The following PDE6A variants were observed in gnomAD, a reference collection of about 807,000 sequenced individuals.
PDE6A encodes the protein phosphodiesterase 6A.
Under a neutral mutation model 106.3 loss-of-function variants are expected in PDE6A, and 84 were observed. The observed-to-expected ratio is 0.79, with a 90% CI of 0.66 to 0.95. The LOEUF (loss-of-function observed/expected upper bound fraction) is 0.95. Among genes scored for constraint, PDE6A ranks in the 40% least tolerant of loss-of-function variants. PDE6A has a pLI of 0.00. For synonymous variants in PDE6A, 394 were observed against 386.6 expected, an observed-to-expected ratio of 1.02 and a Z score of -0.23; for missense variants, 1,052 against 1,084.9, an observed-to-expected ratio of 0.97 and a Z score of 0.43.
At chr5:149,915,565 C>T (rs1258505948) in intron 5 of PDE6A, among the ~76,000 whole-genome samples, 1 of 152,136 alleles carries the variant, frequency 6.6e-6, no homozygotes, top group African/African-American at 2.4e-5. Flanking sequence ...CAGAATTCAG[C>T]GTGCTTCACC....
chr5:149,904,621 A>C (rs1473052419), intron 7 of PDE6A, among the ~76,000 whole-genome samples: 4 of 152,110 alleles, frequency 2.6e-5, no homozygotes, highest in Non-Finnish European at 5.9e-5. Flanking sequence ...AAAAGGCACC[A>C]CCTGGGCTTG....
At chr5:149,884,279 T>A (rs1166569485) in intron 16 of PDE6A, among the ~76,000 whole-genome samples, 200 bp downstream of exon 16, 1 of 137,458 alleles carries the variant, frequency 7.3e-6, no homozygotes, top group Non-Finnish European at 1.6e-5. Flanking sequence ...TGTATATATG[T>A]GTATATATGT....
chr5:149,887,560 T>C (rs1752359539), intron 13 of PDE6A, among the ~76,000 whole-genome samples: 1 of 152,132 alleles, frequency 6.6e-6, no homozygotes, highest in Non-Finnish European at 1.5e-5. Flanking sequence ...TACCTGGTGT[T>C]AGTCCCAACT....
At chr5:149,940,428 G>A (rs367805012) in intron 1 of PDE6A, among the ~76,000 whole-genome samples, 2 of 152,022 alleles carry the variant, frequency 1.3e-5, no homozygotes, top group Admixed American at 6.6e-5. Context: ...GGAGCCCACC[G>A]GGTATGCTTT....
intron 2 of PDE6A, 31 bp from the exon 3 acceptor site, chr5:149,934,050 G>A (rs1319277686): frequency 8.1e-7 from 1 of 1,236,350 alleles, no homozygotes; most frequent in African/African-American, 1.5e-5. Context: ...GGGGAGGCAG[G>A]TGAGAAGAAG....
chr5:149,874,006 T>TA lies in PDE6A; in HGVS notation c.2136-5849dup, dbSNP rs796307210. ...GAGCAACAGAGCAAGACCCTGTCTC[T>TA]AAAAAAAAAAAAAAAGAAGAAGAAA... On this transcript the variant is annotated intron_variant, in intron 17 of 21. Transcript: ENST00000255266. 4.7e-3 allele frequency among the ~76,000 whole-genome samples: 602 copies of TA among 127,896 alleles called. 2 individuals are homozygous for TA. Among genetic ancestry groups the TA allele is most frequent in the Middle Eastern group, 0.02 (5 of 250 alleles). 83.9% of individuals were successfully genotyped at this position (127,896 alleles called of 152,430 possible). A position where few individuals can be genotyped will look rare whatever the true frequency, so the allele number is the denominator to read the frequency against.
In PDE6A at chr5:149,944,659, T is replaced by C; in HGVS notation, c.15A>G (p.Thr5=). 6.2e-7 allele frequency: 1 copy of C among 1,609,646 alleles called. No homozygotes were observed. The highest frequency in any genetic ancestry group is 8.5e-7 in the Non-Finnish European group (1 of 1,178,180). The change falls in exon 1 of 22, where the codon ACA becomes ACG. Residue 5 remains threonine (T), a synonymous_variant. Coordinates refer to ENST00000255266, the MANE Select transcript of PDE6A (RefSeq NM_000440.3). ...CCAGGAACTTCTCCACCTCCTCTGC[T>C]GTCACCTCGCCCATGGCTGGGAATC... is the stretch of plus-strand genomic sequence containing the variant. MGEV[T]AEEVEKFLDS...
chr5:149,924,704 G>A (rs1174107235), intron 4 of PDE6A, among the ~76,000 whole-genome samples: 1 of 152,138 alleles, frequency 6.6e-6, no homozygotes, highest in African/African-American at 2.4e-5. Context: ...TTTATGTGAA[G>A]GACTTATATA....
Position 149,896,470 on chromosome 5 carries a change from T to C in PDE6A, c.1506A>G (p.Glu502=), listed in dbSNP as rs746801645. ...AGTCACTGAAGTGAAATTTATTAAT[T>C]TCGTATTTATCTGCATCTGGCAGCT... ...QAELPDADKY[E]INKFHFSDLP... is the part of the protein sequence containing the mutation. Residue 502 remains glutamate, a synonymous_variant, in exon 12 of 22, where the codon GAA becomes GAG. Transcript: ENST00000255266. The C allele has an allele frequency of 1.9e-6, 3 of 1,614,006 alleles. No individual in the cohort carries two copies. In the African/African-American group the frequency reaches 4.0e-5, roughly 22 times the overall value.
At chr5:149,928,075 T>A (rs1753913220) in intron 4 of PDE6A, among the ~76,000 whole-genome samples, 2 of 151,004 alleles carry the variant, frequency 1.3e-5, no homozygotes, top group Admixed American at 1.3e-4. Flanking sequence ...ACTTTTTTCT[T>A]TTTTAATAAG....
chr5:149,878,980 T>A (rs2113537325), intron 17 of PDE6A, among the ~76,000 whole-genome samples: 1 of 152,358 alleles, frequency 6.6e-6, no homozygotes, highest in East Asian at 1.9e-4. Context: ...CCTTAATTTT[T>A]CATAGTCAGA....
In PDE6A at chr5:149,895,264, CAG is replaced by C. The variant is rs757866615; in HGVS notation, c.1645_1646del (p.Leu549GlufsTer2). The stretch of plus-strand genomic sequence containing the variant: ...AGGTGATCTTGCGGTAGCCCTTACT[CAG>C]GGAGTACATGAACCGCACCAGGGCC... ...QEALVRFMYS[L>X]SKGYRKITYH... On this transcript the variant is annotated frameshift_variant, in exon 13 of 22. Transcript: ENST00000255266. LOFTEE classifies it high-confidence loss of function. 1 of 1,613,912 alleles carries C rather than the reference CAG, an allele frequency of 6.2e-7. No individual in the cohort carries two copies. Among genetic ancestry groups the C allele is most frequent in the South Asian group, 1.1e-5 (1 of 91,084 alleles).
At position 149,932,731 on chromosome 5, in the gene PDE6A, C is replaced by T. The variant is rs142100463; in HGVS notation, c.717+1199G>A. On this transcript the variant is annotated intron_variant, in intron 3 of 21. Transcript: ENST00000255266. Reference sequence around the variant, plus strand: ...CCAAATGTGTACCAACTACTGCTTGCTGTTTGGCACTGTCGGCTTCTGTGC... The same window carrying T: ...CCAAATGTGTACCAACTACTGCTTGTTGTTTGGCACTGTCGGCTTCTGTGC... The T allele has an allele frequency of 3.6e-3, 4,901 of 1,373,180 alleles. 44 individuals are homozygous for T. The highest frequency in any genetic ancestry group is 0.019 in the South Asian group (1,598 of 83,592). The allele number at this position is 1,373,180 out of a possible 1,614,324, so 85.1% of individuals were successfully genotyped here. A position where few individuals can be genotyped will look rare whatever the true frequency, so the allele number is the denominator to read the frequency against.
intron 17 of PDE6A, among the ~76,000 whole-genome samples, chr5:149,872,590 G>A (rs1217468862): frequency 1.3e-5 from 2 of 152,122 alleles, no homozygotes; most frequent in Non-Finnish European, 2.9e-5. Flanking sequence ...CCAACTTTCA[G>A]GAAAAGCATT....
In PDE6A at chr5:149,895,241, G is replaced by T. The variant is rs1168935377; in HGVS notation, c.1670C>A (p.Thr557Asn). Residue 557 changes from threonine (T) to asparagine (N), a missense_variant, in exon 13 of 22, where the codon ACC (threonine) becomes AAC (asparagine). Physicochemically the swap from Thr to Asn is moderately conservative, Grantham distance 65. Around this residue, in one of 3 missense-constraint regions of PDE6A, gnomAD observed 913 missense variants for 915.2 expected, o/e 1.00. Transcript: ENST00000255266. ...GAAGCCGTGCCGCCAGTTGTGGTAG[G>T]TGATCTTGCGGTAGCCCTTACTCAG... The part of the protein sequence containing the change: ...YSLSKGYRKI[T>N]YHNWRHGFNV... 6.2e-7 allele frequency: 1 copy of T among 1,614,026 alleles called. No homozygotes were observed. Among genetic ancestry groups the T allele is most frequent in the Non-Finnish European group, 8.5e-7 (1 of 1,179,998 alleles).
At chr5:149,917,780 T>C (rs1368594920) in intron 5 of PDE6A, among the ~76,000 whole-genome samples, 1 of 152,186 alleles carries the variant, frequency 6.6e-6, no homozygotes, top group Non-Finnish European at 1.5e-5. Flanking sequence ...CCTCAGTTTC[T>C]CTGGCTGTAA....
At chr5:149,910,703 A>G (rs1355375234) in intron 6 of PDE6A, among the ~76,000 whole-genome samples, 5 of 152,148 alleles carry the variant, frequency 3.3e-5, no homozygotes, top group Admixed American at 6.5e-5. Context: ...ACAGGAGACC[A>G]TTGTTTTCAA....
chr5:149,926,121 A>G (rs1460810930), intron 4 of PDE6A, among the ~76,000 whole-genome samples: 4 of 152,166 alleles, frequency 2.6e-5, no homozygotes, highest in Admixed American at 2.0e-4. Context: ...ACGTGTCTGT[A>G]ATCTCATCTA....
rs760522551 is a variant in PDE6A, at chr5:149,944,381, A to G, written c.293T>C (p.Met98Thr). ...LLQADRMSLF[M>T]YRTRNGIAEL... ...TGCGATGCCATTGCGGGTCCGGTACATGAACAGGCTCATGCGGTCTGCCTG... is the reference window on the plus strand; with the variant it reads ...TGCGATGCCATTGCGGGTCCGGTACGTGAACAGGCTCATGCGGTCTGCCTG... The change falls in exon 1 of 22, where the codon ATG (methionine) becomes ACG (threonine). Residue 98 changes from methionine to threonine, a missense_variant. This residue lies in a region of PDE6A where 913 missense variants were observed against 915.2 expected (regional missense o/e 1.00). Coordinates refer to ENST00000255266, the MANE Select transcript of PDE6A (RefSeq NM_000440.3). The G allele has an allele frequency of 2.4e-5, 38 of 1,614,082 alleles. No individual in the cohort carries two copies. In the Admixed American group the frequency reaches 5.7e-4, roughly 24 times the overall value.
Sources: gnomAD v4.1 joint callset for allele counts (sites outside exome capture counted in the v4.1 genomes callset) on GRCh38, gnomAD v4.1.1 for gene constraint, gnomAD v4.1.1 regional missense constraint, MANE v1.5 for transcripts, NCBI Gene and HGNC (gene_info 2026-07-23, HGNC 2026-07-21) for gene names.